ZRANB3: variants seen among roughly 807,000 people sequenced by gnomAD.
ZRANB3 encodes the protein zinc finger RANBP2-type containing 3.
Under a neutral mutation model 133.8 loss-of-function variants are expected in ZRANB3, and 125 were observed. The ratio of observed to expected loss-of-function variants is 0.93; its 90% CI spans 0.81 to 1.08. The LOEUF (loss-of-function observed/expected upper bound fraction) is 1.08, where lower values mean the gene tolerates loss of function less well. Among genes scored for constraint, ZRANB3 ranks in the 50% least tolerant of loss-of-function variants. The pLI is 0.00. For missense variants in ZRANB3, 1,229 were observed against 1,275.5 expected, an observed-to-expected ratio of 0.96 and a Z score of 0.56; for synonymous variants, 387 against 432.7, an observed-to-expected ratio of 0.89 and a Z score of 1.31.
At chr2:135,203,119 C>A (rs1693692381) in intron 19 of ZRANB3, among the ~76,000 whole-genome samples, 156 bp from the exon 20 acceptor site, 1 of 151,990 alleles carries the variant, frequency 6.6e-6, no homozygotes, top group African/African-American at 2.4e-5. Context: ...GTAGAAAAAA[C>A]CCTCTGTTAG....
At chr2:135,244,878 GCTTA>G (rs1322383086) in intron 12 of ZRANB3, among the ~76,000 whole-genome samples, 1 of 152,218 alleles carries the variant, frequency 6.6e-6, no homozygotes. Context: ...AGAAACTGAT[GCTTA>G]CTTCTGCCAT....
chr2:135,220,096 A>T (rs1573695206), intron 15 of ZRANB3, among the ~76,000 whole-genome samples: 1 of 151,578 alleles, frequency 6.6e-6, no homozygotes, highest in Non-Finnish European at 1.5e-5. Context: ...TGGTCTCAAA[A>T]TCCTGGGCTC....
intron 12 of ZRANB3, among the ~76,000 whole-genome samples, chr2:135,250,696 G>A (rs1217986056): frequency 2.6e-5 from 4 of 152,226 alleles, no homozygotes; most frequent in Non-Finnish European, 5.9e-5. Flanking sequence ...GCTTCCATGT[G>A]GTGTTGAGCC....
chr2:135,268,856 G>T, intron 11 of ZRANB3, 106 bp downstream of exon 11: 1 of 1,066,054 alleles, frequency 9.4e-7, no homozygotes, highest in Non-Finnish European at 1.4e-6. Context: ...ATCTTGATGT[G>T]CTTAAGTATC....
intron 6 of ZRANB3, among the ~76,000 whole-genome samples, chr2:135,336,161 T>C (rs1684361900): frequency 6.6e-6 from 1 of 152,234 alleles, no homozygotes; most frequent in Admixed American, 6.5e-5. Flanking sequence ...GTAATACTTC[T>C]GCTGTCTGTC....
intron 1 of ZRANB3, among the ~76,000 whole-genome samples, chr2:135,526,157 ATTT>A (rs993714638): frequency 3.4e-4 from 37 of 108,074 alleles, no homozygotes; most frequent in African/African-American, 9.9e-4. Flanking sequence ...CTAAGCTATG[ATTT>A]TTTTTTTTTT....
chr2:135,392,885 G>T (rs56940981), intron 2 of ZRANB3, among the ~76,000 whole-genome samples: 30 of 148,084 alleles, frequency 2.0e-4, no homozygotes, highest in South Asian at 1.3e-3. Context: ...ATGTTTTTTG[G>T]TTTTTTTTTT....
At chr2:135,303,120 G>T (rs931902960) in intron 8 of ZRANB3, among the ~76,000 whole-genome samples, 2 of 152,048 alleles carry the variant, frequency 1.3e-5, no homozygotes, top group African/African-American at 4.8e-5. Context: ...ATGGAACAAG[G>T]AGAGTATATT....
intron 8 of ZRANB3, among the ~76,000 whole-genome samples, chr2:135,280,568 A>AAAAT (rs1454637385): frequency 6.6e-6 from 1 of 152,220 alleles, no homozygotes; most frequent in Non-Finnish European, 1.5e-5. Flanking sequence ...ACTATCTCAA[A>AAAAT]AAATAAATAA....
intron 12 of ZRANB3, among the ~76,000 whole-genome samples, chr2:135,257,662 A>C (rs192706719): frequency 2.0e-4 from 31 of 152,274 alleles, no homozygotes; most frequent in Non-Finnish European, 3.1e-4. Flanking sequence ...CTTGTATTTC[A>C]TATAATCTTA....
chr2:135,336,451 A>T (rs1349009465), intron 6 of ZRANB3, among the ~76,000 whole-genome samples: 2 of 152,192 alleles, frequency 1.3e-5, no homozygotes, highest in African/African-American at 4.8e-5. Flanking sequence ...ATTATGGAAA[A>T]ATATATAGCA....
rs149340135 is a variant in ZRANB3 at position 135,392,065 on chromosome 2, T to C, written c.162-1245A>G. 2.6e-3 allele frequency among the ~76,000 whole-genome samples: 399 copies of C among 152,192 alleles called. 1 individual carries two copies. The highest frequency in any genetic ancestry group is 8.7e-3 in the African/African-American group (362 of 41,518). ...TGGTCAGGATCATCGGGTGTTCCTT[T>C]GAGACAGCAAACATATGATAAGGGG... On this transcript the variant is annotated intron_variant, in intron 2 of 20. Coordinates refer to ENST00000264159, the MANE Select transcript of ZRANB3 (RefSeq NM_032143.4).
chr2:135,320,541 T>C (rs1254990980), intron 6 of ZRANB3, among the ~76,000 whole-genome samples: 2 of 152,240 alleles, frequency 1.3e-5, no homozygotes, highest in Non-Finnish European at 2.9e-5. Flanking sequence ...TAAAAATTCA[T>C]TTATTCTTTT....
chr2:135,437,042 C>T (rs1225551567), intron 2 of ZRANB3, among the ~76,000 whole-genome samples: 1 of 152,218 alleles, frequency 6.6e-6, no homozygotes, highest in African/African-American at 2.4e-5. Flanking sequence ...TCACTGCAAC[C>T]TCCACCTCCT....
At chr2:135,466,897 G>C (rs1398524610) in intron 2 of ZRANB3, among the ~76,000 whole-genome samples, 7 of 152,044 alleles carry the variant, frequency 4.6e-5, no homozygotes, top group African/African-American at 1.4e-4. Flanking sequence ...GGCTGCAAGT[G>C]ATCCACCTCC....
chr2:135,454,179 G>A (rs920851602), intron 2 of ZRANB3, among the ~76,000 whole-genome samples: 1 of 152,152 alleles, frequency 6.6e-6, no homozygotes, highest in Admixed American at 6.5e-5. Flanking sequence ...ACCTCCCACT[G>A]GGTCCCTTCC....
chr2:135,266,746 T>G (rs769251699), intron 11 of ZRANB3, among the ~76,000 whole-genome samples: 1 of 150,318 alleles, frequency 6.7e-6, no homozygotes. Flanking sequence ...GCCTGGGCGA[T>G]AGAGCAAGAC....
intron 6 of ZRANB3, among the ~76,000 whole-genome samples, chr2:135,341,844 A>G (rs1038881292): frequency 6.7e-6 from 1 of 150,028 alleles, no homozygotes; most frequent in Admixed American, 6.6e-5. Flanking sequence ...TACTAGGATT[A>G]GGAGATTCCA....
At chr2:135,336,851 A>C (rs2104854523) in intron 6 of ZRANB3, among the ~76,000 whole-genome samples, 1 of 152,250 alleles carries the variant, frequency 6.6e-6, no homozygotes, top group East Asian at 1.9e-4. Context: ...TGTTTGTTTT[A>C]TGTGGGCAAA....
Sources: allele counts gnomAD v4.1 joint callset (sites outside exome capture counted in the v4.1 genomes callset), GRCh38; gene constraint gnomAD v4.1.1; transcripts MANE v1.5; gene names NCBI Gene and HGNC (gene_info 2026-07-23, HGNC 2026-07-21).